The following MYT1L variants were observed in gnomAD, a reference collection of about 807,000 sequenced individuals.
The protein encoded by MYT1L is myelin transcription factor 1-like protein.
Under a neutral mutation model 126.7 loss-of-function variants are expected in MYT1L, and 12 were observed. The ratio of observed to expected loss-of-function variants is 0.09; its 90% confidence interval spans 0.06 to 0.15. MYT1L has a LOEUF of 0.15. MYT1L is among the 10% of genes least tolerant of loss of function. MYT1L has a pLI of 1.00. For synonymous variants in MYT1L, 541 were observed against 604.2 expected, an observed-to-expected ratio of 0.90 and a Z score of 1.53; for missense variants, 979 against 1,585.2, an observed-to-expected ratio of 0.62 and a Z score of 6.49.
At chr2:2,310,386 A>G (rs1233274170) in intron 1 of MYT1L, among the ~76,000 whole-genome samples, 1 of 152,142 alleles carries the variant, frequency 6.6e-6, no homozygotes, top group Admixed American at 6.5e-5. Context: ...AACTCCACCT[A>G]CACTTCAGTA....
chr2:2,006,103 A>C (rs1262125663), intron 4 of MYT1L, among the ~76,000 whole-genome samples: 1 of 151,006 alleles, frequency 6.6e-6, no homozygotes, highest in Admixed American at 6.6e-5. Context: ...TTCCTGCATG[A>C]GTTCTTTCCT....
chr2:1,832,480 G>A (rs1400154020), intron 21 of MYT1L, among the ~76,000 whole-genome samples: 2 of 152,182 alleles, frequency 1.3e-5, no homozygotes, highest in Non-Finnish European at 2.9e-5. Context: ...CAGCTGCTGG[G>A]GCTGGGGCCA....
intron 2 of MYT1L, among the ~76,000 whole-genome samples, chr2:2,173,386 T>G (rs1429753879): frequency 2.0e-5 from 3 of 152,368 alleles, no homozygotes; most frequent in South Asian, 4.1e-4. Context: ...TGCATGTTTA[T>G]TTTTTGGAAA....
chr2:1,815,665 A>G (rs7559352), intron 21 of MYT1L, among the ~76,000 whole-genome samples: 6,382 of 152,232 alleles, frequency 0.042, 155 homozygotes, highest in East Asian at 0.068. Context: ...GTACACCTCC[A>G]TGGAATCCTA....
At chr2:1,814,744 G>C (rs777033009) in intron 21 of MYT1L, among the ~76,000 whole-genome samples, 8 of 152,150 alleles carry the variant, frequency 5.3e-5, no homozygotes, top group Non-Finnish European at 1.0e-4. Context: ...TTCCCACAGT[G>C]CACTAAATGC....
intron 2 of MYT1L, among the ~76,000 whole-genome samples, chr2:2,199,891 A>G (rs1383274011): frequency 1.3e-5 from 2 of 152,100 alleles, no homozygotes; most frequent in Non-Finnish European, 2.9e-5. Flanking sequence ...CTGGGGAGGA[A>G]CTTCTGAAAA....
intron 2 of MYT1L, among the ~76,000 whole-genome samples, chr2:2,220,190 C>G (rs1429901368): frequency 6.6e-6 from 1 of 152,136 alleles, no homozygotes; most frequent in Non-Finnish European, 1.5e-5. Context: ...CTCAGAGGGT[C>G]CTGAGAACAT....
At chr2:1,928,252 T>C (rs1431651267) in intron 9 of MYT1L, among the ~76,000 whole-genome samples, 1 of 152,218 alleles carries the variant, frequency 6.6e-6, no homozygotes, top group Admixed American at 6.5e-5. Context: ...AAATGTTTCA[T>C]ATACCACATT....
intron 21 of MYT1L, among the ~76,000 whole-genome samples, chr2:1,823,825 G>A (rs1269267244): frequency 6.6e-6 from 1 of 152,256 alleles, no homozygotes; most frequent in East Asian, 1.9e-4. Flanking sequence ...CTCGTCCCGT[G>A]TGGTCAAATT....
chr2:2,145,206 T>C (rs2084693028), intron 3 of MYT1L, among the ~76,000 whole-genome samples: 2 of 152,186 alleles, frequency 1.3e-5, no homozygotes, highest in South Asian at 2.1e-4. Context: ...TGTGGCCTCA[T>C]TGTCTGTGTA....
chr2:2,241,751 G>A (rs1045671209), intron 2 of MYT1L, among the ~76,000 whole-genome samples: 1 of 152,218 alleles, frequency 6.6e-6, no homozygotes, highest in Admixed American at 6.5e-5. Flanking sequence ...CTATTATTCA[G>A]CCTTAGAAAG....
At chr2:2,328,338 AT>A (rs1444455108) in intron 1 of MYT1L, among the ~76,000 whole-genome samples, 1 of 152,196 alleles carries the variant, frequency 6.6e-6, no homozygotes, top group African/African-American at 2.4e-5. Flanking sequence ...AAATAAATAA[AT>A]TAGGTGAAAA....
chr2:2,226,677 C>G (rs1405073997), intron 2 of MYT1L, among the ~76,000 whole-genome samples: 1 of 152,158 alleles, frequency 6.6e-6, no homozygotes, highest in African/African-American at 2.4e-5. Flanking sequence ...ATCAACTCAT[C>G]CAGGCTCATC....
intron 3 of MYT1L, among the ~76,000 whole-genome samples, chr2:2,085,662 T>C (rs1250658452): frequency 6.6e-6 from 1 of 152,172 alleles, no homozygotes; most frequent in Non-Finnish European, 1.5e-5. Context: ...CAGTGCTTCA[T>C]TCATTGCCTG....
chr2:1,881,961 G>A (rs766446100), intron 18 of MYT1L, among the ~76,000 whole-genome samples: 11 of 152,160 alleles, frequency 7.2e-5, no homozygotes, highest in Admixed American at 3.9e-4. Context: ...GGCATGAAGC[G>A]TGGGAAAGCT....
chr2:1,957,919 A>G lies in MYT1L; in HGVS notation c.153-14585T>C, dbSNP rs74546290. On this transcript the variant is annotated intron_variant, in intron 8 of 24. Coordinates refer to ENST00000647738, the MANE Select transcript of MYT1L (RefSeq NM_001303052.2). ...CCATATCACTCATTTAAGGTGAACG[A>G]CGAGCTGTTTTGCTGAAAAGGCTTC... Among the ~76,000 whole-genome samples the G allele has an allele frequency of 3.8e-4, 58 of 152,270 alleles. 1 individual carries two copies. In the East Asian group the frequency reaches 0.011, roughly 28 times the overall value.
At chr2:2,251,116 C>T (rs1008993711) in intron 2 of MYT1L, among the ~76,000 whole-genome samples, 2 of 152,166 alleles carry the variant, frequency 1.3e-5, no homozygotes, top group African/African-American at 4.8e-5. Context: ...TATTACCTCT[C>T]ATCGTGGAAT....
At chr2:1,891,733 ACG>A (rs1053863609) in intron 15 of MYT1L, among the ~76,000 whole-genome samples, 2 of 152,174 alleles carry the variant, frequency 1.3e-5, no homozygotes, top group African/African-American at 4.8e-5. Context: ...CAGGAGGCCC[ACG>A]TGGTGTCCTT....
Position 1,798,018 on chromosome 2 carries a change from C to T in MYT1L, c.3276+3678G>A, listed in dbSNP as rs373104504. 5.2e-4 allele frequency among the ~76,000 whole-genome samples: 27 copies of T among 51,660 alleles called. 1 individual carries two copies. Among genetic ancestry groups the T allele is most frequent in the African/African-American group, 1.8e-3 (23 of 12,978 alleles). 33.9% of individuals were successfully genotyped at this position (51,660 alleles called of 152,430 possible). Reference sequence around the variant, plus strand: ...TCCGGCACAGGCGCGGCGGTCTCCCCCCATCCGGCACAGGCGCGGCGGTCT... The same window carrying T: ...TCCGGCACAGGCGCGGCGGTCTCCCTCCATCCGGCACAGGCGCGGCGGTCT... On this transcript the variant is annotated intron_variant, in intron 23 of 24. Coordinates refer to ENST00000647738, the MANE Select transcript of MYT1L (RefSeq NM_001303052.2).
Sources: allele counts gnomAD v4.1 joint callset (sites outside exome capture counted in the v4.1 genomes callset), GRCh38; gene constraint gnomAD v4.1.1; transcripts MANE v1.5; gene names NCBI Gene and HGNC (gene_info 2026-07-23, HGNC 2026-07-21).